Variants in COL4A6 observed in about 807,000 individuals in gnomAD.
COL4A6 encodes the protein collagen type IV alpha 6 chain.
In COL4A6, 59 loss-of-function variants were observed where a neutral mutation model predicts 126.7. The observed-to-expected ratio is 0.47, with a 90% CI of 0.38 to 0.58. The LOEUF is 0.58. Ranked by LOEUF, COL4A6 falls within the 20% of genes least tolerant of loss-of-function variation. The probability of loss-of-function intolerance (pLI) is 0.00; values close to 1 mark genes in which losing one functional copy is unlikely to be tolerated. For missense variants in COL4A6, 1,285 were observed against 1,337.3 expected (o/e 0.96, Z 0.61); for synonymous variants, 547 against 496.6 (o/e 1.10, Z -1.35).
chrX:108,304,397 C>G (rs1811476682), intron 3 of COL4A6, among the ~76,000 whole-genome samples: 1 of 111,347 alleles, frequency 9.0e-6, no homozygotes, highest in South Asian at 3.8e-4. Flanking sequence ...TGTAAATATA[C>G]AAAGACCCCT....
chrX:108,435,474 CTA>C (rs2064249434), intron 2 of COL4A6, among the ~76,000 whole-genome samples: 1 of 111,803 alleles, frequency 8.9e-6, no homozygotes, highest in South Asian at 3.7e-4. Context: ...GAGTTAGGAA[CTA>C]TGTTTAAATA....
intron 3 of COL4A6, among the ~76,000 whole-genome samples, chrX:108,236,421 TA>T (rs776448235): frequency 9.0e-5 from 10 of 111,016 alleles, no homozygotes; most frequent in Non-Finnish European, 1.5e-4. Flanking sequence ...AGAGCACAAT[TA>T]GGGGGAAGGT....
chrX:108,388,336 C>T (rs772814948), intron 2 of COL4A6, among the ~76,000 whole-genome samples: 6 of 111,681 alleles, frequency 5.4e-5, no homozygotes, highest in South Asian at 7.6e-4. Flanking sequence ...GCTGTGAATC[C>T]GTCTGGTCCT....
At chrX:108,328,803 T>C (rs1015502790) in intron 2 of COL4A6, among the ~76,000 whole-genome samples, 1 of 112,176 alleles carries the variant, frequency 8.9e-6, no homozygotes, top group Non-Finnish European at 1.9e-5. Context: ...AGCCAAGATA[T>C]GAAGTCAACC....
chrX:108,367,522 T>A (rs1444862295), intron 2 of COL4A6, among the ~76,000 whole-genome samples: 3 of 111,775 alleles, frequency 2.7e-5, no homozygotes, highest in African/African-American at 6.5e-5. Flanking sequence ...CCAAAGCAGA[T>A]CTTTTGGGTC....
intron 3 of COL4A6, among the ~76,000 whole-genome samples, chrX:108,241,389 A>G (rs180714038): frequency 1.8e-5 from 2 of 109,219 alleles, no homozygotes; most frequent in Admixed American, 2.0e-4. Flanking sequence ...TGGTAGAAAT[A>G]CCATTTAAAC....
At chrX:108,349,527 T>A (rs1219074588) in intron 2 of COL4A6, among the ~76,000 whole-genome samples, 1 of 111,915 alleles carries the variant, frequency 8.9e-6, no homozygotes, top group Non-Finnish European at 1.9e-5. Flanking sequence ...AGCCTCCATT[T>A]CCTCATCTGT....
chrX:108,425,460 G>A (rs1309762861), intron 2 of COL4A6, among the ~76,000 whole-genome samples: 2 of 110,370 alleles, frequency 1.8e-5, no homozygotes, highest in Non-Finnish European at 3.8e-5. Context: ...CAGGCCAGGC[G>A]TGGTGGCTCA....
At chrX:108,418,901 C>T (rs950748184) in intron 2 of COL4A6, among the ~76,000 whole-genome samples, 2 of 112,134 alleles carry the variant, frequency 1.8e-5, no homozygotes, top group Non-Finnish European at 3.8e-5. Context: ...CTGGACCACC[C>T]GTGTGACATT....
chrX:108,310,739 G>A lies in COL4A6; in HGVS notation c.144+9C>T. On this transcript the variant is annotated intron_variant, in intron 3 of 44. Transcript: ENST00000334504. Reference sequence around the variant, plus strand: ...TATTTGTCTTTCAACAATGAAATAAGCAACTTACTCTCGCTCCTTTCTCAG... The same window carrying A: ...TATTTGTCTTTCAACAATGAAATAAACAACTTACTCTCGCTCCTTTCTCAG... The A allele has an allele frequency of 8.3e-7, 1 of 1,200,886 alleles. No individual in the cohort carries two copies. Among genetic ancestry groups the A allele is most frequent in the South Asian group, 1.8e-5 (1 of 56,209 alleles).
chrX:108,372,990 T>A (rs1476743458), intron 2 of COL4A6, among the ~76,000 whole-genome samples: 5 of 112,590 alleles, frequency 4.4e-5, no homozygotes, highest in Non-Finnish European at 9.4e-5. Context: ...CTTGTGTTTT[T>A]TTCTACTACA....
intron 2 of COL4A6, among the ~76,000 whole-genome samples, chrX:108,390,144 C>G (rs1237552298): frequency 9.0e-6 from 1 of 111,520 alleles, no homozygotes; most frequent in Non-Finnish European, 1.9e-5. Context: ...CAACCTTTCT[C>G]TCTGGGTGCC....
At chrX:108,172,365 G>GAAAAAAAAA (rs397935341) in intron 32 of COL4A6, 104 bp downstream of exon 32, 16 of 111,280 alleles carry the variant, frequency 1.4e-4, no homozygotes, top group East Asian at 3.2e-4. Context: ...GCCTAAAAAA[G>GAAAAAAAAA]AAAAAAAAAA....
At chrX:108,225,020 C>T (rs1257063180) in intron 3 of COL4A6, among the ~76,000 whole-genome samples, 4 of 85,529 alleles carry the variant, frequency 4.7e-5, no homozygotes, top group Non-Finnish European at 6.4e-5. Context: ...CCATTCAATC[C>T]GGGCTTTATT....
At chrX:108,331,769 T>A (rs1309090373) in intron 2 of COL4A6, among the ~76,000 whole-genome samples, 1 of 111,386 alleles carries the variant, frequency 9.0e-6, no homozygotes, top group Admixed American at 9.6e-5. Context: ...GATCTCAGTC[T>A]TTTTCTCTTG....
intron 2 of COL4A6, among the ~76,000 whole-genome samples, chrX:108,390,245 C>G (rs1358308902): frequency 9.0e-6 from 1 of 110,523 alleles, no homozygotes; most frequent in Non-Finnish European, 1.9e-5. Flanking sequence ...TTGTGGTGTT[C>G]TCTGTATTTC....
intron 2 of COL4A6, among the ~76,000 whole-genome samples, chrX:108,430,197 T>A (rs182820190): frequency 1.8e-5 from 2 of 111,635 alleles, no homozygotes; most frequent in East Asian, 5.6e-4. Context: ...GTTCATTAGA[T>A]AGAAAAGAAG....
intron 6 of COL4A6, among the ~76,000 whole-genome samples, chrX:108,212,236 A>T (rs1445398611): frequency 1.8e-5 from 2 of 109,898 alleles, no homozygotes; most frequent in Non-Finnish European, 3.8e-5. Flanking sequence ...TTATTTAAAA[A>T]AAAAAAAAAC....
rs147283658 is a variant in COL4A6, at chrX:108,358,949, G to A, written c.64-48121C>T. ...TTCTGGAGCAGGCATGAGGGAGAGGGAGTACATCGAAAAGAGCTTCAGAGT... is the reference window on the plus strand; with the variant it reads ...TTCTGGAGCAGGCATGAGGGAGAGGAAGTACATCGAAAAGAGCTTCAGAGT... On this transcript the variant is annotated intron_variant, in intron 2 of 44. Transcript: ENST00000334504. Among the ~76,000 whole-genome samples, 671 of 111,481 alleles carry A rather than the reference G, an allele frequency of 6.0e-3. 2 individuals carry two copies. Among genetic ancestry groups the A allele is most frequent in the East Asian group, 0.035 (122 of 3,531 alleles).
Sources: gnomAD v4.1 joint callset for allele counts (sites outside exome capture counted in the v4.1 genomes callset) on GRCh38, gnomAD v4.1.1 for gene constraint, MANE v1.5 for transcripts, NCBI Gene and HGNC (gene_info 2026-07-23, HGNC 2026-07-21) for gene names.